RASSF9: variants seen among roughly 807,000 people sequenced by gnomAD.
The protein encoded by RASSF9 is ras association domain-containing protein 9.
A neutral mutation model predicts 21.4 loss-of-function variants in RASSF9; 18 were observed. The observed-to-expected ratio is 0.84, with a 90% CI of 0.58 to 1.25. RASSF9 has a LOEUF of 1.25. Ranked by LOEUF, RASSF9 falls within the 50% of genes most tolerant of loss-of-function variation. RASSF9 has a pLI of 0.00. For synonymous variants in RASSF9, 183 were observed against 179.1 expected, an observed-to-expected ratio of 1.02 and a Z score of -0.18; for missense variants, 480 against 503.2, an observed-to-expected ratio of 0.95 and a Z score of 0.44.
At chr12:85,831,239 C>T (rs1354334493) in intron 1 of RASSF9, among the ~76,000 whole-genome samples, 1 of 152,048 alleles carries the variant, frequency 6.6e-6, no homozygotes, top group Non-Finnish European at 1.5e-5. Context: ...CCTGGAACTA[C>T]ATGCCAATAA....
intron 1 of RASSF9, among the ~76,000 whole-genome samples, chr12:85,813,115 A>T (rs938927362): frequency 6.6e-6 from 1 of 151,876 alleles, no homozygotes; most frequent in Non-Finnish European, 1.5e-5. Flanking sequence ...CAGTTTAATT[A>T]TTCAGGTTTT....
Position 85,805,344 on chromosome 12 carries a change from T to A in RASSF9, c.666A>T (p.Arg222=). ...EKCEAKFHLD[R]VENDGENYVQ... is the part of the protein sequence containing the mutation. ...CATAGTTTTCTCCATCATTTTCTAC[T>A]CGATCAAGATGGAACTTAGCTTCAC... The change falls in exon 2 of 2, where the codon CGA becomes CGT. Residue 222 remains arginine (R), a synonymous_variant. Transcript: ENST00000361228. 6.2e-7 allele frequency: 1 copy of A among 1,613,660 alleles called. No homozygotes were observed. Among genetic ancestry groups the A allele is most frequent in the Non-Finnish European group, 8.5e-7 (1 of 1,179,866 alleles).
chr12:85,818,956 C>CA (rs60760019), intron 1 of RASSF9, among the ~76,000 whole-genome samples: 11,662 of 64,370 alleles, frequency 0.18, 1,146 homozygotes, highest in African/African-American at 0.3. Context: ...GAGACTCCGT[C>CA]AAAAAAAAAA....
At chr12:85,806,410 C>A (rs565552886) in intron 1 of RASSF9, among the ~76,000 whole-genome samples, 1 of 149,708 alleles carries the variant, frequency 6.7e-6, no homozygotes, top group South Asian at 2.1e-4. Context: ...TGGTGGCTCA[C>A]GCCTGTAATC....
At position 85,804,841 on chromosome 12, in the gene RASSF9, CT is replaced by C; in HGVS notation, c.1168del (p.Ser390AlafsTer38). On this transcript the variant is annotated frameshift_variant, in exon 2 of 2. Coordinates refer to ENST00000361228, the MANE Select transcript of RASSF9 (RefSeq NM_005447.4). LOFTEE classifies it high-confidence loss of function. ...AGTAAAGGGAGGAATCTCCCCATTG[CT>C]ACTGGGAACCTCAGATTCCTTCGCT... ...NRAKESEVPS[S>X]NGEIPPFTQR... 6.2e-7 allele frequency: 1 copy of C among 1,613,400 alleles called. No individual in the cohort carries two copies. Among genetic ancestry groups the C allele is most frequent in the South Asian group, 1.1e-5 (1 of 91,074 alleles).
intron 1 of RASSF9, among the ~76,000 whole-genome samples, chr12:85,811,124 T>C (rs1377642670): frequency 1.3e-5 from 2 of 151,956 alleles, no homozygotes; most frequent in Non-Finnish European, 2.9e-5. Context: ...AATTAATGTT[T>C]TACCTACTAT....
chr12:85,829,608 A>C (rs1274304609), intron 1 of RASSF9, among the ~76,000 whole-genome samples: 1 of 152,016 alleles, frequency 6.6e-6, no homozygotes. Flanking sequence ...CCCCTCCTAC[A>C]TATTTTTCTA....
At chr12:85,815,657 C>G (rs942959693) in intron 1 of RASSF9, among the ~76,000 whole-genome samples, 4 of 152,026 alleles carry the variant, frequency 2.6e-5, no homozygotes, top group African/African-American at 9.7e-5. Context: ...GATGGTATCT[C>G]ACTGTTGTTT....
chr12:85,835,984 A>G (rs1259874694), intron 1 of RASSF9, among the ~76,000 whole-genome samples, 171 bp downstream of exon 1: 1 of 152,112 alleles, frequency 6.6e-6, no homozygotes, highest in Non-Finnish European at 1.5e-5. Context: ...CTATCTAGGT[A>G]TTCATACTAG....
At chr12:85,816,413 A>C (rs1370870578) in intron 1 of RASSF9, among the ~76,000 whole-genome samples, 1 of 152,156 alleles carries the variant, frequency 6.6e-6, no homozygotes, top group African/African-American at 2.4e-5. Flanking sequence ...GTAGAGGGTA[A>C]ATAAATGTTT....
At chr12:85,814,986 A>G (rs1369674906) in intron 1 of RASSF9, among the ~76,000 whole-genome samples, 1 of 152,048 alleles carries the variant, frequency 6.6e-6, no homozygotes, top group African/African-American at 2.4e-5. Flanking sequence ...GGTTATTGCA[A>G]TTCTCTTATA....
At position 85,805,704 on chromosome 12, in the gene RASSF9, C is replaced by T. The variant is rs202161144; in HGVS notation, c.306G>A (p.Ala102=). 2.4e-4 allele frequency: 385 copies of T among 1,613,988 alleles called. 1 individual carries two copies. The highest frequency in any genetic ancestry group is 7.1e-4 in the African/African-American group (53 of 75,052). Residue 102 remains alanine, a synonymous_variant, in exon 2 of 2, where the codon GCG becomes GCA. Transcript: ENST00000361228. ...GCATATTGGGCTGCTCATCTCCCCA[C>T]GCTTTCCAAAGCTTCAGGATTCTAG... ...PLTRILKLWK[A]WGDEQPNMQF...
At chr12:85,824,543 T>C (rs1173497282) in intron 1 of RASSF9, among the ~76,000 whole-genome samples, 4 of 152,192 alleles carry the variant, frequency 2.6e-5, no homozygotes, top group Non-Finnish European at 4.4e-5. Flanking sequence ...AAACTGCAAA[T>C]CTATTTTTTA....
intron 1 of RASSF9, among the ~76,000 whole-genome samples, chr12:85,823,670 T>C (rs951729004): frequency 4.6e-5 from 7 of 152,364 alleles, no homozygotes; most frequent in Non-Finnish European, 8.8e-5. Flanking sequence ...TTGTATCTTC[T>C]GCTTAATTCT....
At chr12:85,806,969 AAAG>A (rs1465847338) in intron 1 of RASSF9, among the ~76,000 whole-genome samples, 5 of 152,208 alleles carry the variant, frequency 3.3e-5, no homozygotes, top group Non-Finnish European at 1.5e-5. Context: ...AGTAATAAAC[AAAG>A]AAGACAAGAA....
intron 1 of RASSF9, among the ~76,000 whole-genome samples, chr12:85,826,178 C>T (rs1353316320): frequency 2.0e-5 from 3 of 152,140 alleles, no homozygotes; most frequent in Non-Finnish European, 2.9e-5. Flanking sequence ...TCACTCTTCA[C>T]CCTGATGTTC....
chr12:85,822,561 GA>G (rs1483825412), intron 1 of RASSF9, among the ~76,000 whole-genome samples: 7 of 152,118 alleles, frequency 4.6e-5, no homozygotes, highest in African/African-American at 1.7e-4. Flanking sequence ...TAAGGAAAAG[GA>G]GAGATATTAT....
At chr12:85,813,023 G>A (rs986195478) in intron 1 of RASSF9, among the ~76,000 whole-genome samples, 2 of 151,712 alleles carry the variant, frequency 1.3e-5, no homozygotes, top group African/African-American at 4.8e-5. Context: ...CTGATTTATA[G>A]TTTTCTGATT....
At chr12:85,834,808 G>A (rs1341718189) in intron 1 of RASSF9, among the ~76,000 whole-genome samples, 1 of 151,878 alleles carries the variant, frequency 6.6e-6, no homozygotes, top group Admixed American at 6.6e-5. Flanking sequence ...GCTTGGGGGA[G>A]GCTTTTCTGG....
Sources: gnomAD v4.1 joint callset for allele counts (sites outside exome capture counted in the v4.1 genomes callset) on GRCh38, gnomAD v4.1.1 for gene constraint, MANE v1.5 for transcripts, NCBI Gene and HGNC (gene_info 2026-07-23, HGNC 2026-07-21) for gene names.